The following COL5A1 variants were observed in gnomAD, a reference collection of about 807,000 sequenced individuals.
The protein encoded by COL5A1 is collagen type V alpha 1 chain.
COL5A1 carries 16 observed loss-of-function variants against 263.7 expected under a neutral mutation model. The ratio of observed to expected loss-of-function variants is 0.06; its 90% confidence interval spans 0.04 to 0.09. COL5A1 has a LOEUF of 0.09. COL5A1 is among the 10% of genes least tolerant of loss of function. The pLI is 1.00. For synonymous variants in COL5A1, 1,012 were observed against 1,004.5 expected, an observed-to-expected ratio of 1.01 and a Z score of -0.14; for missense variants, 2,036 against 2,540.5, an observed-to-expected ratio of 0.80 and a Z score of 4.27.
At chr9:134,649,674 C>T in intron 1 of COL5A1, 1 of 385,312 alleles carries the variant, frequency 2.6e-6, no homozygotes, top group Non-Finnish European at 5.0e-6. Flanking sequence ...CTGGTGATCC[C>T]ATTACTGGGT....
chr9:134,747,041 C>T (rs1287394847), intron 11 of COL5A1, among the ~76,000 whole-genome samples: 2 of 152,210 alleles, frequency 1.3e-5, no homozygotes, highest in African/African-American at 2.4e-5. Flanking sequence ...GGCTTGCTGA[C>T]AATGTTTCTA....
intron 4 of COL5A1, among the ~76,000 whole-genome samples, chr9:134,709,969 A>G (rs1191712138): frequency 6.6e-6 from 1 of 151,960 alleles, no homozygotes; most frequent in Non-Finnish European, 1.5e-5. Context: ...GGAGCCGCCC[A>G]CCTGAGCGGA....
Position 134,642,217 on chromosome 9 carries a change from C to G in COL5A1, c.30C>G (p.Arg10=), listed in dbSNP as rs1456650492. The G allele has an allele frequency of 1.4e-5, 18 of 1,302,890 alleles. No individual in the cohort carries two copies. The highest frequency in any genetic ancestry group is 1.7e-5 in the Non-Finnish European group (17 of 1,022,638). 80.7% of individuals were successfully genotyped at this position (1,302,890 alleles called of 1,614,324 possible). A position where few individuals can be genotyped will look rare whatever the true frequency, so the allele number is the denominator to read the frequency against. Residue 10 remains arginine (R), a synonymous_variant, in exon 1 of 66, where the codon CGC becomes CGG. Coordinates refer to ENST00000371817, the MANE Select transcript of COL5A1 (RefSeq NM_000093.5). This position sits in a 1 kb window ranked among gnomAD's most constrained non-coding sequence, Gnocchi z 4.5. MDVHTRWKA[R]SALRPGAPLL... Reference sequence around the variant, plus strand: ...ACGTCCATACCCGCTGGAAAGCGCGCAGCGCGCTCCGCCCGGGCGCCCCGC... The same window carrying G: ...ACGTCCATACCCGCTGGAAAGCGCGGAGCGCGCTCCGCCCGGGCGCCCCGC...
In COL5A1 at chr9:134,767,737, G is replaced by A. The variant is rs115126805; in HGVS notation, c.2232+383G>A. On this transcript the variant is annotated intron_variant, in intron 24 of 65. Transcript: ENST00000371817. The stretch of plus-strand genomic sequence containing the variant: ...TTTTGCTAAATTTGGCAACTTGACT[G>A]TATCTCCAGAGCCTACTGTGTCCTA... Among the ~76,000 whole-genome samples the A allele has an allele frequency of 4.2e-3, 644 of 152,342 alleles. 4 individuals are homozygous for A. The highest frequency in any genetic ancestry group is 0.017 in the Middle Eastern group (5 of 294).
chr9:134,700,359 C>G lies in COL5A1; in HGVS notation c.491+237C>G, dbSNP rs1008648103. On this transcript the variant is annotated intron_variant, in intron 3 of 65. Transcript: ENST00000371817. This position sits in a 1 kb window ranked among gnomAD's most constrained non-coding sequence, Gnocchi z 4.0. The stretch of plus-strand genomic sequence containing the variant: ...TTCTCCTCCCTGGCCCTCCATTATC[C>G]CTTTGTAAAGTGCACTAAAGCACAT... 6.6e-6 allele frequency among the ~76,000 whole-genome samples: 1 copy of G among 152,188 alleles called. No individual in the cohort carries two copies. Among genetic ancestry groups the G allele is most frequent in the Non-Finnish European group, 1.5e-5 (1 of 68,042 alleles).
At chr9:134,795,412 T>TTA in intron 34 of COL5A1, 97 bp downstream of exon 34, 2 of 785,956 alleles carry the variant, frequency 2.5e-6, no homozygotes, top group East Asian at 5.5e-5. Flanking sequence ...CCTTTTTTAT[T>TTA]AAAAAAAAAA....
chr9:134,666,519 A>G (rs1832362943), intron 1 of COL5A1, among the ~76,000 whole-genome samples: 1 of 152,198 alleles, frequency 6.6e-6, no homozygotes, highest in African/African-American at 2.4e-5. Context: ...TCTCAAAGGC[A>G]CACAGGTTGG....
chr9:134,762,150 C>T (rs1433073321), intron 19 of COL5A1, among the ~76,000 whole-genome samples, 172 bp downstream of exon 19: 2 of 152,190 alleles, frequency 1.3e-5, no homozygotes, highest in Admixed American at 6.5e-5. Context: ...GATCAGATGC[C>T]AAGAGGCTGC....
rs888444933 is a variant in COL5A1 at position 134,821,173 on chromosome 9, C to T, written c.4555-924C>T. Reference sequence around the variant, plus strand: ...GAGTGCCGCCCAGGGTGTGGTGGCCCGGCAACCACGAGAATTAGAGAGGCA... The same window carrying T: ...GAGTGCCGCCCAGGGTGTGGTGGCCTGGCAACCACGAGAATTAGAGAGGCA... On this transcript the variant is annotated intron_variant, in intron 58 of 65. Transcript: ENST00000371817. This position sits in a 1 kb window ranked among gnomAD's most constrained non-coding sequence, Gnocchi z 4.2. 3.9e-5 allele frequency among the ~76,000 whole-genome samples: 6 copies of T among 152,064 alleles called. No homozygotes were observed. The highest frequency in any genetic ancestry group is 7.2e-5 in the African/African-American group (3 of 41,398).
chr9:134,696,147 C>T lies in COL5A1; in HGVS notation c.278-3762C>T, dbSNP rs1453171981. 6.6e-6 allele frequency among the ~76,000 whole-genome samples: 1 copy of T among 152,096 alleles called. No individual in the cohort carries two copies. Among genetic ancestry groups the T allele is most frequent in the Non-Finnish European group, 1.5e-5 (1 of 68,012 alleles). ...TCTGACCTCTTTCTGCCACCCTGCC[C>T]CACTGCCCCCTGCATTATTTGCAAT... On this transcript the variant is annotated intron_variant, in intron 2 of 65. Transcript: ENST00000371817. The surrounding 1 kb of genome is among the most constrained non-coding windows in gnomAD (Gnocchi z 4.3).
rs191273959 is a variant in COL5A1, at chr9:134,841,264, C to T, written c.5371-893C>T. On this transcript the variant is annotated intron_variant, in intron 65 of 65. Coordinates refer to ENST00000371817, the MANE Select transcript of COL5A1 (RefSeq NM_000093.5). The surrounding 1 kb of genome is among the most constrained non-coding windows in gnomAD (Gnocchi z 4.8). ...AGGCTCCTGGTTTGCGGGAAAGGTG[C>T]GGCCTCCAGGGCCCTTGTCTTGGGG... is the stretch of plus-strand genomic sequence containing the variant. Among the ~76,000 whole-genome samples, 111 of 152,308 alleles carry T rather than the reference C, an allele frequency of 7.3e-4. No individual in the cohort carries two copies. Among genetic ancestry groups the T allele is most frequent in the South Asian group, 2.9e-3 (14 of 4,820 alleles).
rs764393711 is a variant in COL5A1 at position 134,789,107 on chromosome 9, C to T, written c.2647-48C>T. 6.4e-6 allele frequency: 10 copies of T among 1,572,114 alleles called. No individual in the cohort carries two copies. In the East Asian group the frequency reaches 1.8e-4, roughly 28 times the overall value. The stretch of plus-strand genomic sequence containing the variant: ...CCCCCAGGCGGCCCATGCAGCATGA[C>T]TCATTCCTGGCCCAGCTCTGATGCC... On this transcript the variant is annotated intron_variant, in intron 31 of 65. Coordinates refer to ENST00000371817, the MANE Select transcript of COL5A1 (RefSeq NM_000093.5). This position sits in a 1 kb window ranked among gnomAD's most constrained non-coding sequence, Gnocchi z 4.8.
Position 134,841,865 on chromosome 9 carries a change from G to T in COL5A1, c.5371-292G>T, listed in dbSNP as rs1376535838. The stretch of plus-strand genomic sequence containing the variant: ...GGGAAGGCTGATCAGCTTCAATCCT[G>T]TGTGTGCCTCAGCCACCCCTGAAGC... On this transcript the variant is annotated intron_variant, in intron 65 of 65. Coordinates refer to ENST00000371817, the MANE Select transcript of COL5A1 (RefSeq NM_000093.5). The surrounding 1 kb of genome is among the most constrained non-coding windows in gnomAD (Gnocchi z 4.8). 6.6e-6 allele frequency among the ~76,000 whole-genome samples: 1 copy of T among 152,110 alleles called. No homozygotes were observed. Among genetic ancestry groups the T allele is most frequent in the Non-Finnish European group, 1.5e-5 (1 of 68,016 alleles).
chr9:134,648,833 C>T (rs1333847189), intron 1 of COL5A1, among the ~76,000 whole-genome samples: 1 of 152,198 alleles, frequency 6.6e-6, no homozygotes, highest in African/African-American at 2.4e-5. Context: ...TGCTCGCTGC[C>T]TCTGAGGCTC....
chr9:134,751,914 C>T (rs1401831567), intron 13 of COL5A1, among the ~76,000 whole-genome samples: 1 of 152,186 alleles, frequency 6.6e-6, no homozygotes, highest in Non-Finnish European at 1.5e-5. Context: ...GCCTGGCTGG[C>T]CTTTTATCTT....
intron 1 of COL5A1, among the ~76,000 whole-genome samples, chr9:134,662,884 G>C (rs1447049363): frequency 6.6e-6 from 1 of 152,212 alleles, no homozygotes; most frequent in Non-Finnish European, 1.5e-5. Flanking sequence ...GGGGCTGTTA[G>C]CTATAGTAGA....
intron 36 of COL5A1, among the ~76,000 whole-genome samples, chr9:134,797,457 T>C (rs907185286): frequency 2.6e-5 from 4 of 151,386 alleles, no homozygotes; most frequent in African/African-American, 9.7e-5. Flanking sequence ...TGGACTTCCG[T>C]CTGTGTCTCT....
At position 134,801,946 on chromosome 9, in the gene COL5A1, C is replaced by T. The variant is rs752435679; in HGVS notation, c.2953-8C>T. On this transcript the variant is annotated splice_polypyrimidine_tract_variant and splice_region_variant and intron_variant, in intron 37 of 65. Coordinates refer to ENST00000371817, the MANE Select transcript of COL5A1 (RefSeq NM_000093.5). ...AGCACCGTCAGTGCAGTGACTCTCT[C>T]TTCACAGGGTTTCCAAGGCAAGACC... 3.1e-6 allele frequency: 5 copies of T among 1,613,182 alleles called. No individual in the cohort carries two copies. The East Asian group carries it at 8.9e-5, about 29-fold the overall frequency.
At chr9:134,656,879 A>G (rs1402866139) in intron 1 of COL5A1, among the ~76,000 whole-genome samples, 1 of 128,752 alleles carries the variant, frequency 7.8e-6, no homozygotes, top group Non-Finnish European at 1.6e-5. Flanking sequence ...TGGCAGGGCA[A>G]GGGGTGTACA....
Sources: allele counts gnomAD v4.1 joint callset (sites outside exome capture counted in the v4.1 genomes callset), GRCh38; gene constraint gnomAD v4.1.1; non-coding constraint Gnocchi (gnomAD v3.1); transcripts MANE v1.5; gene names NCBI Gene and HGNC (gene_info 2026-07-23, HGNC 2026-07-21).